Variants in UCK2 observed in about 807,000 individuals in gnomAD.
UCK2 encodes cytidine monophosphokinase 2.
In UCK2, 6 loss-of-function variants were observed where a neutral mutation model predicts 30.8. That is an observed-to-expected ratio of 0.19 (90% CI 0.11 to 0.38). The LOEUF is 0.38. UCK2 is among the 10% of genes least tolerant of loss of function. The pLI is 1.00. For synonymous variants in UCK2, 125 were observed against 133.6 expected (o/e 0.94, Z 0.45); for missense variants, 210 against 339.8 (o/e 0.62, Z 3.00).
At chr1:165,889,590 G>T (rs952905695) in intron 1 of UCK2, among the ~76,000 whole-genome samples, 28 of 151,856 alleles carry the variant, frequency 1.8e-4, no homozygotes, top group Non-Finnish European at 2.9e-4. Context: ...GCAAGTACCT[G>T]ACAGTAGTAA....
intron 2 of UCK2, 82 bp from the exon 3 acceptor site, chr1:165,891,144 G>T: frequency 7.9e-7 from 1 of 1,266,796 alleles, no homozygotes. Context: ...CCATATACAT[G>T]TTTATGAGGA....
At chr1:165,851,474 A>C (rs1232297001) in intron 1 of UCK2, among the ~76,000 whole-genome samples, 1 of 152,120 alleles carries the variant, frequency 6.6e-6, no homozygotes, top group Non-Finnish European at 1.5e-5. Flanking sequence ...ACATTCTGAA[A>C]GACCTCCTTA....
At chr1:165,860,959 T>A (rs1654881849) in intron 1 of UCK2, among the ~76,000 whole-genome samples, 1 of 152,142 alleles carries the variant, frequency 6.6e-6, no homozygotes, top group South Asian at 2.1e-4. Flanking sequence ...ATCTGTCCAG[T>A]CTACTATAAT....
At chr1:165,857,600 T>C (rs1270662125) in intron 1 of UCK2, among the ~76,000 whole-genome samples, 5 of 152,104 alleles carry the variant, frequency 3.3e-5, no homozygotes, top group Admixed American at 2.0e-4. Context: ...GGGCATGTGC[T>C]GGGTGGCATT....
intron 1 of UCK2, among the ~76,000 whole-genome samples, chr1:165,866,964 C>T (rs892011789): frequency 6.6e-6 from 1 of 152,172 alleles, no homozygotes; most frequent in Non-Finnish European, 1.5e-5. Flanking sequence ...TACAAATATA[C>T]ACATACCTCG....
At position 165,827,894 on chromosome 1, in the gene UCK2, T is replaced by A; in HGVS notation, c.61T>A (p.Phe21Ile). The A allele has an allele frequency of 6.8e-7, 1 of 1,475,974 alleles. No individual in the cohort carries two copies. The highest frequency in any genetic ancestry group is 9.0e-7 in the Non-Finnish European group (1 of 1,106,214). 91.4% of individuals were successfully genotyped at this position (1,475,974 alleles called of 1,614,324 possible). Residue 21 changes from phenylalanine (F) to isoleucine (I), a missense_variant, in exon 1 of 7, where the codon TTC becomes ATC. Transcript: ENST00000367879. ...CCAGCAGCCCAACGGCGGCGAGCCC[T>A]TCCTTATAGGCGTCAGCGGGGGAAC... ...NHQQPNGGEP[F>I]LIGVSGGTAS...
At chr1:165,863,443 T>C (rs1654969780) in intron 1 of UCK2, among the ~76,000 whole-genome samples, 2 of 152,238 alleles carry the variant, frequency 1.3e-5, no homozygotes, top group Admixed American at 1.3e-4. Flanking sequence ...AGATCTTCAG[T>C]ATTTCATCAG....
chr1:165,887,327 G>A (rs990964506), intron 1 of UCK2, among the ~76,000 whole-genome samples: 1 of 152,152 alleles, frequency 6.6e-6, no homozygotes. Flanking sequence ...TGGGATGAGC[G>A]CTGATTTTCT....
At chr1:165,906,685 T>G (rs1004928471) in intron 6 of UCK2, among the ~76,000 whole-genome samples, 4 of 152,236 alleles carry the variant, frequency 2.6e-5, no homozygotes, top group Admixed American at 2.6e-4. Context: ...TTTATTTATT[T>G]TTTTGGCCTG....
In UCK2 at chr1:165,827,631, C is replaced by T. The variant is rs1473248898; in HGVS notation, c.-203C>T. 2.6e-6 allele frequency: 1 copy of T among 391,848 alleles called. No homozygotes were observed. 24.3% of individuals were successfully genotyped at this position (391,848 alleles called of 1,614,324 possible). On this transcript the variant is annotated 5_prime_UTR_variant, in exon 1 of 7. Transcript: ENST00000367879. ...CCTGGGATGTAAACCGGACCAGCCG[C>T]TGCGGGCAAAGGAAGGCTCTTGGCT...
rs1176896820 is a variant in UCK2 at position 165,907,881 on chromosome 1, C to T, written c.*58C>T. ...AAGAGACAGAGGAGGGGTCAGGAGG[C>T]ACTGCTCATCTGTACATACTGTTTC... On this transcript the variant is annotated 3_prime_UTR_variant, in exon 7 of 7. Transcript: ENST00000367879. 6.3e-7 allele frequency: 1 copy of T among 1,596,304 alleles called. No individual in the cohort carries two copies. Among genetic ancestry groups the T allele is most frequent in the Non-Finnish European group, 8.6e-7 (1 of 1,169,452 alleles).
At chr1:165,889,280 A>T (rs1302335947) in intron 1 of UCK2, among the ~76,000 whole-genome samples, 1 of 152,226 alleles carries the variant, frequency 6.6e-6, no homozygotes, top group Non-Finnish European at 1.5e-5. Flanking sequence ...CTGTGAGCAT[A>T]GCCTTCTTGC....
intron 1 of UCK2, among the ~76,000 whole-genome samples, chr1:165,861,643 A>T (rs1654904966): frequency 1.1e-5 from 1 of 93,934 alleles, no homozygotes; most frequent in African/African-American, 4.3e-5. Flanking sequence ...AAAAAAAAAA[A>T]AAAAAACAAA....
chr1:165,885,942 T>C (rs781366289), intron 1 of UCK2, among the ~76,000 whole-genome samples: 8 of 152,254 alleles, frequency 5.3e-5, no homozygotes, highest in Admixed American at 2.0e-4. Context: ...CGTAACCGTC[T>C]TTAAGTGTAC....
At chr1:165,873,170 C>G (rs1329910176) in intron 1 of UCK2, among the ~76,000 whole-genome samples, 1 of 152,150 alleles carries the variant, frequency 6.6e-6, no homozygotes, top group African/African-American at 2.4e-5. Flanking sequence ...TAGGTTGCCA[C>G]AATTTAATAA....
intron 1 of UCK2, among the ~76,000 whole-genome samples, chr1:165,869,359 C>A (rs971106112): frequency 7.0e-6 from 1 of 142,482 alleles, no homozygotes; most frequent in Non-Finnish European, 1.5e-5. Flanking sequence ...GTAAAAAAAA[C>A]GTAGTATCTG....
chr1:165,839,984 G>A (rs769343607), intron 1 of UCK2, among the ~76,000 whole-genome samples: 6 of 152,154 alleles, frequency 3.9e-5, no homozygotes, highest in East Asian at 1.9e-4. Context: ...GGAGTGTGGC[G>A]CGATCTCGGC....
At chr1:165,870,856 T>A (rs1351300636) in intron 1 of UCK2, among the ~76,000 whole-genome samples, 7 of 152,270 alleles carry the variant, frequency 4.6e-5, no homozygotes, top group African/African-American at 1.7e-4. Flanking sequence ...TTTGCTCTGT[T>A]GCCCCGGCTG....
At chr1:165,837,374 G>A (rs1357446270) in intron 1 of UCK2, among the ~76,000 whole-genome samples, 4 of 152,198 alleles carry the variant, frequency 2.6e-5, no homozygotes, top group Admixed American at 6.5e-5. Context: ...CTGAACCTGT[G>A]TAAGTGGTAG....
Sources: gnomAD v4.1 joint callset for allele counts (sites outside exome capture counted in the v4.1 genomes callset) on GRCh38, gnomAD v4.1.1 for gene constraint, MANE v1.5 for transcripts, NCBI Gene and HGNC (gene_info 2026-07-23, HGNC 2026-07-21) for gene names.